KLRG1: variants seen among roughly 807,000 people sequenced by gnomAD.
KLRG1 encodes the protein killer cell lectin like receptor G1.
Under a neutral mutation model 21.8 loss-of-function variants are expected in KLRG1, and 16 were observed. The ratio of observed to expected loss-of-function variants is 0.73; its 90% confidence interval spans 0.50 to 1.11. The LOEUF (loss-of-function observed/expected upper bound fraction) is 1.11, where lower values mean the gene tolerates loss of function less well. KLRG1 is among the 50% of genes most tolerant of loss of function. The pLI is 0.00. For missense variants in KLRG1, 173 were observed against 218.3 expected, an observed-to-expected ratio of 0.79 and a Z score of 1.31; for synonymous variants, 69 against 75.9, an observed-to-expected ratio of 0.91 and a Z score of 0.47.
chr12:9,100,470 G>A, the KLRG1 span, among the ~76,000 whole-genome samples: 4 of 151,016 alleles, frequency 2.6e-5, no homozygotes, highest in Admixed American at 1.3e-4. Context: ...ATAGAGATGG[G>A]GTCTCACTAT....
the KLRG1 span, chr12:9,181,102 G>C: frequency 6.2e-7 from 1 of 1,614,006 alleles, no homozygotes; most frequent in African/African-American, 1.3e-5. Context: ...GAGGCTGGGG[G>C]ACTTTGTGCT....
chr12:9,010,053 G>T lies in KLRG1; in HGVS notation c.*516G>T. 1 of 1,522,622 alleles carries T rather than the reference G, an allele frequency of 6.6e-7. No homozygotes were observed. The highest frequency in any genetic ancestry group is 8.8e-7 in the Non-Finnish European group (1 of 1,136,192). 94.3% of individuals were successfully genotyped at this position (1,522,622 alleles called of 1,614,324 possible). The stretch of plus-strand genomic sequence containing the variant: ...AAGAATAAACCTAGCTGGCATGCTG[G>T]TGTGTACCTGTAGTCCTAGCTATTT... On this transcript the variant is annotated 3_prime_UTR_variant, in exon 5 of 5. Transcript: ENST00000356986.
chr12:9,033,131 T>C, the KLRG1 span, among the ~76,000 whole-genome samples: 1 of 152,078 alleles, frequency 6.6e-6, no homozygotes, highest in Non-Finnish European at 1.5e-5. Context: ...CTTGAAAGAA[T>C]TTGTGAATCA....
chr12:8,997,524 C>G (rs1476181248), intron 3 of KLRG1, among the ~76,000 whole-genome samples: 3 of 152,182 alleles, frequency 2.0e-5, no homozygotes, highest in Non-Finnish European at 4.4e-5. Flanking sequence ...AAAGAGAGCT[C>G]TATGGATCTA....
the KLRG1 span, among the ~76,000 whole-genome samples, chr12:9,143,115 T>C: frequency 6.6e-6 from 1 of 152,202 alleles, no homozygotes; most frequent in Non-Finnish European, 1.5e-5. Context: ...GGGTGAGGGT[T>C]GAGGTTAGAA....
chr12:9,203,611 G>A, the KLRG1 span, among the ~76,000 whole-genome samples: 2 of 152,068 alleles, frequency 1.3e-5, no homozygotes, highest in African/African-American at 4.8e-5. Flanking sequence ...AAAGTGCTGG[G>A]ATTACAGGCG....
the KLRG1 span, chr12:9,080,139 G>A: frequency 8.8e-6 from 14 of 1,589,418 alleles, no homozygotes; most frequent in South Asian, 1.2e-5. Flanking sequence ...ACCACATTTG[G>A]TGGCAGTTTC....
At chr12:9,049,362 C>T in the KLRG1 span, among the ~76,000 whole-genome samples, 5 of 152,200 alleles carry the variant, frequency 3.3e-5, no homozygotes, top group South Asian at 1.0e-3. Context: ...TGTATTTGGT[C>T]ACCAGGTAGG....
At chr12:9,169,722 T>C in the KLRG1 span, 1 of 814,892 alleles carries the variant, frequency 1.2e-6, no homozygotes, top group Non-Finnish European at 1.7e-6. Flanking sequence ...ACCTTAGAGA[T>C]AGTTGAAGAT....
rs755401716 is a variant in KLRG1, at chr12:8,989,692, G to C, written c.57G>C (p.Gln19His). The C allele has an allele frequency of 1.9e-6, 3 of 1,610,052 alleles. No homozygotes were observed. The highest frequency in any genetic ancestry group is 2.5e-6 in the Non-Finnish European group (3 of 1,177,282). ...AGTTGCCTACGGCAACCCAAGCCCA[G>C]AATGACTATGGACCACAGCAAAAAT... ...MLELPTATQAQNDYGPQQKSS... is the reference protein window; with the variant it reads ...MLELPTATQAHNDYGPQQKSS... The change falls in exon 1 of 5, where the codon CAG becomes CAC. Residue 19 changes from glutamine (Q) to histidine (H), a missense_variant. Physicochemically the swap from Gln to His is conservative, Grantham distance 24 (BLOSUM62 0). Transcript: ENST00000356986.
At chr12:9,116,828 G>A in the KLRG1 span, among the ~76,000 whole-genome samples, 4 of 151,788 alleles carry the variant, frequency 2.6e-5, no homozygotes, top group African/African-American at 9.7e-5. Flanking sequence ...ATTCTTGTTG[G>A]GGCAAAAACA....
At chr12:9,063,513 A>T in the KLRG1 span, among the ~76,000 whole-genome samples, 1 of 152,234 alleles carries the variant, frequency 6.6e-6, no homozygotes, top group African/African-American at 2.4e-5. Flanking sequence ...TCAGTTCACA[A>T]AATCAGATGT....
At chr12:9,203,748 G>C in the KLRG1 span, 1 of 1,613,520 alleles carries the variant, frequency 6.2e-7, no homozygotes, top group Non-Finnish European at 8.5e-7. Context: ...GGGATAGCCA[G>C]CTGGCACCGT....
chr12:9,068,965 CTTAA>C, the KLRG1 span: 1 of 592,282 alleles, frequency 1.7e-6, no homozygotes, highest in East Asian at 2.9e-5. Context: ...CTATAGGGTC[CTTAA>C]TTAAATTGTG....
the KLRG1 span, among the ~76,000 whole-genome samples, chr12:9,107,276 G>C: frequency 6.6e-6 from 1 of 152,146 alleles, no homozygotes; most frequent in Admixed American, 6.5e-5. Context: ...TTCCTTTGTA[G>C]AAGTGAATGC....
chr12:9,125,089 C>CAGAAG, the KLRG1 span, among the ~76,000 whole-genome samples: 9 of 152,186 alleles, frequency 5.9e-5, no homozygotes, highest in East Asian at 1.5e-3. Flanking sequence ...GAGGAACTAC[C>CAGAAG]CTCTCTGCTG....
At chr12:8,975,460 T>G (rs749223381) in intron 1 of KLRG1, among the ~76,000 whole-genome samples, 40 of 152,230 alleles carry the variant, frequency 2.6e-4, no homozygotes, top group Non-Finnish European at 5.3e-4. Context: ...TAATTATTCT[T>G]AAGTGCTCCT....
chr12:8,958,146 A>C (rs895032737), intron 1 of KLRG1, among the ~76,000 whole-genome samples: 3 of 152,158 alleles, frequency 2.0e-5, no homozygotes, highest in African/African-American at 7.2e-5. Flanking sequence ...TCTTCTCCCA[A>C]CATGGCCTCC....
At chr12:9,034,711 T>C in the KLRG1 span, among the ~76,000 whole-genome samples, 6 of 152,198 alleles carry the variant, frequency 3.9e-5, no homozygotes, top group African/African-American at 1.2e-4. Flanking sequence ...CCTCCCAAAG[T>C]GTTGGGATTA....
Sources: gnomAD v4.1 joint callset for allele counts (sites outside exome capture counted in the v4.1 genomes callset) on GRCh38, gnomAD v4.1.1 for gene constraint, MANE v1.5 for transcripts, NCBI Gene and HGNC (gene_info 2026-07-23, HGNC 2026-07-21) for gene names.